The following KLHDC4 variants were observed in gnomAD, a reference collection of about 807,000 sequenced individuals.
KLHDC4 encodes kelch domain containing 4, also known as kelch domain-containing protein 4.
In KLHDC4, 90 loss-of-function variants were observed where a neutral mutation model predicts 62.4. The observed-to-expected ratio is 1.44, with a 90% CI of 1.22 to 1.72. The LOEUF (loss-of-function observed/expected upper bound fraction) is 1.72, where lower values mean the gene tolerates loss of function less well. Among genes scored for constraint, KLHDC4 ranks in the 40% most tolerant of loss-of-function variants. The probability of loss-of-function intolerance (pLI) is 0.00; values close to 1 mark genes in which losing one functional copy is unlikely to be tolerated. For missense variants in KLHDC4, 1,025 were observed against 699.7 expected (o/e 1.47, Z -5.25); for synonymous variants, 386 against 284.4 (o/e 1.36, Z -3.59).
At chr16:87,703,225 C>G (rs1478833137), downstream of KLHDC4, 2 of 151,850 alleles carry the variant, frequency 1.3e-5, no homozygotes, top group Non-Finnish European at 2.9e-5. Flanking sequence ...CATGGCGTCC[C>G]CGGGTCAGCG....
chr16:87,706,872 G>A (rs186620922), downstream of KLHDC4, among the ~76,000 whole-genome samples: 20 of 152,324 alleles, frequency 1.3e-4, no homozygotes, highest in East Asian at 3.7e-3. Context: ...GGCCAAGGGA[G>A]CGGGGAGGTG....
At chr16:87,712,189 T>C (rs1232083592) in intron 8 of KLHDC4, among the ~76,000 whole-genome samples, 1 of 152,194 alleles carries the variant, frequency 6.6e-6, no homozygotes, top group African/African-American at 2.4e-5. Context: ...CTATGTGATG[T>C]GCCAACCCTC....
intron 1 of KLHDC4, among the ~76,000 whole-genome samples, chr16:87,764,418 G>T (rs1213425801): frequency 6.6e-6 from 1 of 151,926 alleles, no homozygotes; most frequent in Non-Finnish European, 1.5e-5. Context: ...GGGAGGCCGA[G>T]GCGAGCGCAT....
rs771822966 is a variant in KLHDC4 at position 87,711,351 on chromosome 16, G to T, written c.928C>A (p.Leu310Met). ...SVAMAPNHQT[L>M]FFGGVCDEEE... is the part of the protein sequence containing the mutation. ...TCGTCACAGACACCCCCGAAGAACA[G>T]TGTCTGGTGATTCGGGGCCATGGCC... is the stretch of plus-strand genomic sequence containing the variant. The change falls in exon 9 of 12, where the codon CTG becomes ATG. Residue 310 changes from leucine (L) to methionine (M), a missense_variant. Physicochemically the swap from Leu to Met is conservative, Grantham distance 15 (BLOSUM62 2). Coordinates refer to ENST00000270583, the MANE Select transcript of KLHDC4 (RefSeq NM_017566.4). 13 of 1,613,882 alleles carry T rather than the reference G, an allele frequency of 8.1e-6. No homozygotes were observed. In the African/African-American group the frequency reaches 9.3e-5, roughly 12 times the overall value.
In KLHDC4 at chr16:87,711,373, G is replaced by A. The variant is rs2035790495; in HGVS notation, c.906C>T (p.Ala302=). The change falls in exon 9 of 12, where the codon GCC becomes GCT. Residue 302 remains alanine, a synonymous_variant. Transcript: ENST00000270583. Reference sequence around the variant, plus strand: ...ACAGTGTCTGGTGATTCGGGGCCATGGCCACGGAAAAGCCAGACCGTGGGG... The same window carrying A: ...ACAGTGTCTGGTGATTCGGGGCCATAGCCACGGAAAAGCCAGACCGTGGGG... ...KPTPRSGFSV[A]MAPNHQTLFF... 3 of 1,613,712 alleles carry A rather than the reference G, an allele frequency of 1.9e-6. No individual in the cohort carries two copies.
intron 6 of KLHDC4, among the ~76,000 whole-genome samples, chr16:87,729,037 A>G (rs977116762): frequency 6.6e-6 from 1 of 152,124 alleles, no homozygotes; most frequent in Non-Finnish European, 1.5e-5. Flanking sequence ...TCAGCCTCCC[A>G]AAGTGCTGAG....
intron 5 of KLHDC4, among the ~76,000 whole-genome samples, chr16:87,733,395 C>G (rs1463377627): frequency 6.6e-6 from 1 of 152,226 alleles, no homozygotes; most frequent in African/African-American, 2.4e-5. Context: ...CACAGATGTG[C>G]AGGGCGCCCA....
chr16:87,737,970 G>A (rs555128144), intron 5 of KLHDC4, among the ~76,000 whole-genome samples: 9 of 152,230 alleles, frequency 5.9e-5, no homozygotes, highest in Admixed American at 5.2e-4. Context: ...ACAGCACAAC[G>A]GGGAATCCAT....
intron 1 of KLHDC4, 39 bp from the exon 2 acceptor site, chr16:87,762,079 A>G: frequency 6.2e-7 from 1 of 1,604,988 alleles, no homozygotes; most frequent in Non-Finnish European, 8.5e-7. Context: ...ACTTATTCCC[A>G]GGACCCGCCG....
chr16:87,744,743 G>A (rs1394752485), intron 5 of KLHDC4, among the ~76,000 whole-genome samples: 2 of 152,086 alleles, frequency 1.3e-5, no homozygotes, highest in Non-Finnish European at 2.9e-5. Context: ...ATGATACCAA[G>A]AAAAGATCAA....
chr16:87,745,889 A>T (rs1249240673), intron 5 of KLHDC4, among the ~76,000 whole-genome samples: 1 of 152,200 alleles, frequency 6.6e-6, no homozygotes, highest in Non-Finnish European at 1.5e-5. Flanking sequence ...CAACTGAATA[A>T]GGCTCAACAT....
At chr16:87,748,128 T>C (rs1332593423) in intron 5 of KLHDC4, among the ~76,000 whole-genome samples, 2 of 152,206 alleles carry the variant, frequency 1.3e-5, no homozygotes, top group South Asian at 2.1e-4. Context: ...TCTTGACTAA[T>C]GGGAGACACC....
At chr16:87,752,434 T>A (rs1038112436) in intron 4 of KLHDC4, among the ~76,000 whole-genome samples, 4 of 151,286 alleles carry the variant, frequency 2.6e-5, no homozygotes, top group African/African-American at 7.3e-5. Context: ...CGCCCCTGGT[T>A]CAAGCGATTC....
chr16:87,706,224 G>GA (rs977956556), downstream of KLHDC4, among the ~76,000 whole-genome samples: 2 of 98,532 alleles, frequency 2.0e-5, no homozygotes, highest in Non-Finnish European at 4.0e-5. Flanking sequence ...GCAGCCCTCG[G>GA]GGGGGGGTCA....
At position 87,761,038 on chromosome 16, in the gene KLHDC4, GA is replaced by G. The variant is rs1013329959; in HGVS notation, c.191+910del. On this transcript the variant is annotated intron_variant, in intron 2 of 11. Coordinates refer to ENST00000270583, the MANE Select transcript of KLHDC4 (RefSeq NM_017566.4). ...ACAGAGTGAGACTCCATCTCAAAAAGAAAAAAAAAAGTACATTTACCACATG... is the reference window on the plus strand; with the variant it reads ...ACAGAGTGAGACTCCATCTCAAAAAGAAAAAAAAAGTACATTTACCACATG... Among the ~76,000 whole-genome samples the G allele has an allele frequency of 3.2e-4, 46 of 146,006 alleles. 2 individuals carry two copies. Among genetic ancestry groups the G allele is most frequent in the Admixed American group, 2.4e-3 (35 of 14,682 alleles).
intron 5 of KLHDC4, among the ~76,000 whole-genome samples, chr16:87,740,067 C>T (rs115133041): frequency 9.3e-4 from 141 of 152,268 alleles, no homozygotes; most frequent in African/African-American, 3.3e-3. Context: ...AGGGCACTGG[C>T]CCAGAAACCA....
At chr16:87,756,062 GACA>G (rs1200177589) in intron 3 of KLHDC4, 7 of 199,872 alleles carry the variant, frequency 3.5e-5, no homozygotes, top group Non-Finnish European at 7.3e-5. Context: ...CCGTGTTTAA[GACA>G]ACCTGAAAGC....
In KLHDC4 at chr16:87,711,395, G is replaced by A. The variant is rs1023199416; in HGVS notation, c.884C>T (p.Pro295Leu). The change falls in exon 9 of 12, where the codon CCA (proline) becomes CTA (leucine). Residue 295 changes from proline to leucine, a missense_variant. Pro to Leu is a moderately conservative substitution (Grantham distance 98). Transcript: ENST00000270583. ...RMNPSGVKPT[P>L]RSGFSVAMAP... is the part of the protein sequence containing the mutation. ...CATGGCCACGGAAAAGCCAGACCGT[G>A]GGGTGGGCTTGACCCCCGAAGGGTT... The A allele has an allele frequency of 6.2e-7, 1 of 1,613,550 alleles. No individual in the cohort carries two copies. Among genetic ancestry groups the A allele is most frequent in the Non-Finnish European group, 8.5e-7 (1 of 1,180,016 alleles).
At chr16:87,730,437 A>G in intron 6 of KLHDC4, 115 bp downstream of exon 6, 1 of 869,854 alleles carries the variant, frequency 1.1e-6, no homozygotes, top group South Asian at 1.8e-5. Context: ...AAGCTCATGA[A>G]GCTGGATTTG....
Sources: allele counts gnomAD v4.1 joint callset (sites outside exome capture counted in the v4.1 genomes callset), GRCh38; gene constraint gnomAD v4.1.1; transcripts MANE v1.5; gene names NCBI Gene and HGNC (gene_info 2026-07-23, HGNC 2026-07-21).